VEGFA: variants seen among roughly 807,000 people sequenced by gnomAD.
VEGFA encodes vascular endothelial growth factor A.
VEGFA carries 20 observed loss-of-function variants against 49.7 expected under a neutral mutation model. The observed-to-expected ratio is 0.40, with a 90% CI of 0.28 to 0.58. The LOEUF is 0.58. Ranked by LOEUF, VEGFA falls within the 20% of genes least tolerant of loss-of-function variation. The probability of loss-of-function intolerance (pLI) is 0.40; values close to 1 mark genes in which losing one functional copy is unlikely to be tolerated. For synonymous variants in VEGFA, 219 were observed against 223.4 expected (o/e 0.98, Z 0.18); for missense variants, 505 against 553.5 (o/e 0.91, Z 0.88).
intron 6 of VEGFA, chr6:43,781,014 T>C: frequency 2.4e-6 from 3 of 1,247,740 alleles, no homozygotes; most frequent in Non-Finnish European, 3.4e-6. Context: ...AGGGTTGGGG[T>C]GAATGGGGGT....
chr6:43,780,760 C>A lies in VEGFA; in HGVS notation c.991C>A (p.Gln331Lys). Residue 331 changes from glutamine to lysine, a missense_variant, in exon 6 of 8, where the codon CAA (glutamine) becomes AAA (lysine). Around this residue, in one of 2 missense-constraint regions of VEGFA, gnomAD observed 165 missense variants for 231.7 expected, o/e 0.71. Transcript: ENST00000672860. ...ATCAGTTCGAGGAAAGGGAAAGGGG[C>A]AAAAACGAAAGCGCAAGAAATCCCG... 6.2e-7 allele frequency: 1 copy of A among 1,612,174 alleles called. No individual in the cohort carries two copies. The highest frequency in any genetic ancestry group is 8.5e-7 in the Non-Finnish European group (1 of 1,179,626).
intron 4 of VEGFA, 106 bp from the exon 5 acceptor site, chr6:43,778,783 T>A (rs1766324839): frequency 2.3e-6 from 3 of 1,302,258 alleles, no homozygotes; most frequent in South Asian, 1.2e-5. Flanking sequence ...TGCTCCATAA[T>A]AAATGCTGTT....
Position 43,773,903 on chromosome 6 carries a change from T to G in VEGFA, c.607-438T>G, listed in dbSNP as rs1332129222. On this transcript the variant is annotated intron_variant, in intron 1 of 7. Transcript: ENST00000672860. The surrounding 1 kb of genome is among the most constrained non-coding windows in gnomAD (Gnocchi z 5.6). ...TCATGTCAGCAGGAGAAGGTCACCA[T>G]GTTGTTTTTCTCGCCCCTAGTCCTT... 4.7e-6 allele frequency: 1 copy of G among 214,264 alleles called. No individual in the cohort carries two copies. Among genetic ancestry groups the G allele is most frequent in the Non-Finnish European group, 9.8e-6 (1 of 101,706 alleles). 13.3% of individuals were successfully genotyped at this position (214,264 alleles called of 1,614,324 possible). A position where few individuals can be genotyped will look rare whatever the true frequency, so the allele number is the denominator to read the frequency against.
chr6:43,771,397 G>A, intron 1 of VEGFA, 85 bp downstream of exon 1: 1 of 1,405,156 alleles, frequency 7.1e-7, no homozygotes, highest in Non-Finnish European at 9.5e-7. Flanking sequence ...CGCGCGTGGG[G>A]GCTCCGTGCC....
chr6:43,784,581 G>T lies in VEGFA; in HGVS notation c.*19G>T. ...GCGGTGAGCCGGGCAGGAGGAAGGA[G>T]CCTCCCTCAGGGTTTCGGGAACCAG... On this transcript the variant is annotated 3_prime_UTR_variant, in exon 8 of 8. Transcript: ENST00000672860. 1 of 1,614,226 alleles carries T rather than the reference G, an allele frequency of 6.2e-7. No homozygotes were observed. Among genetic ancestry groups the T allele is most frequent in the Non-Finnish European group, 8.5e-7 (1 of 1,180,042 alleles).
intron 6 of VEGFA, 39 bp from the exon 7 acceptor site, chr6:43,781,917 T>C: frequency 1.2e-6 from 2 of 1,612,160 alleles, no homozygotes; most frequent in Non-Finnish European, 1.7e-6. Context: ...TCTCTGCTGA[T>C]GCTCTAGCTT....
chr6:43,782,390 G>A (rs1388471192), intron 7 of VEGFA: 1 of 416,374 alleles, frequency 2.4e-6, no homozygotes, highest in Non-Finnish European at 4.6e-6. Context: ...TGTGTCCTGT[G>A]GTCCTTCTGC....
intron 3 of VEGFA, 173 bp from the exon 4 acceptor site, chr6:43,778,287 T>TG (rs1469736740): frequency 1.5e-6 from 1 of 687,098 alleles, no homozygotes; most frequent in Admixed American, 2.1e-5. Flanking sequence ...TTGGGGGAGT[T>TG]GGGGTGGGCC....
rs869136464 is a variant in VEGFA at position 43,786,439 on chromosome 6, T to TA, written c.*1889dup. 554 of 158,614 alleles carry TA rather than the reference T, an allele frequency of 3.5e-3. 1 individual carries two copies. Among genetic ancestry groups the TA allele is most frequent in the East Asian group, 0.014 (114 of 7,980 alleles). The allele number at this position is 158,614 out of a possible 1,614,324, so 9.8% of individuals were successfully genotyped here. A position where few individuals can be genotyped will look rare whatever the true frequency, so the allele number is the denominator to read the frequency against. On this transcript the variant is annotated 3_prime_UTR_variant, in exon 8 of 8. Coordinates refer to ENST00000672860, the MANE Select transcript of VEGFA (RefSeq NM_003376.6). Reference sequence around the variant, plus strand: ...ACGACAAAGAAATACAGATATATCTTAAAAAAAAAAAAGCATTTTGTATTA... The same window carrying TA: ...ACGACAAAGAAATACAGATATATCTTAAAAAAAAAAAAAGCATTTTGTATTA...
intron 3 of VEGFA, 128 bp from the exon 4 acceptor site, chr6:43,778,332 C>G (rs1277960320): frequency 8.7e-6 from 7 of 802,530 alleles, no homozygotes; most frequent in Admixed American, 2.0e-5. Flanking sequence ...TTGGTCCTCC[C>G]TGCCTCCACC....
chr6:43,777,570 A>C lies in VEGFA; in HGVS notation c.760A>C (p.Lys254Gln), dbSNP rs1359856307. ...CCCTGATGAGATCGAGTACATCTTC[A>C]AGCCATCCTGTGTGCCCCTGATGCG... Residue 254 changes from lysine (K) to glutamine (Q), a missense_variant, in exon 3 of 8, where the codon AAG becomes CAG. By Grantham distance (53) the Lys-to-Gln change is moderately conservative (BLOSUM62 1). Coordinates refer to ENST00000672860, the MANE Select transcript of VEGFA (RefSeq NM_003376.6). The surrounding 1 kb of genome is among the most constrained non-coding windows in gnomAD (Gnocchi z 4.3). 7 of 1,614,008 alleles carry C rather than the reference A, an allele frequency of 4.3e-6. No individual in the cohort carries two copies. The highest frequency in any genetic ancestry group is 5.9e-6 in the Non-Finnish European group (7 of 1,180,014).
chr6:43,771,947 G>T, intron 1 of VEGFA: 1 of 927,850 alleles, frequency 1.1e-6, no homozygotes. Context: ...GCCCTCCCCC[G>T]CCCGGCCGGG....
chr6:43,781,637 A>C, intron 6 of VEGFA: 1 of 379,716 alleles, frequency 2.6e-6, no homozygotes, highest in Non-Finnish European at 5.1e-6. Flanking sequence ...GATGGGGGCA[A>C]CAGCAGTTGG....
chr6:43,780,056 A>C, intron 5 of VEGFA: 2 of 220,376 alleles, frequency 9.1e-6, no homozygotes, highest in African/African-American at 2.3e-5. Flanking sequence ...GACCTCCTTA[A>C]CTCCCACCCC....
At chr6:43,781,837 G>A (rs375770086) in intron 6 of VEGFA, 119 bp from the exon 7 acceptor site, 1 of 1,374,898 alleles carries the variant, frequency 7.3e-7, no homozygotes. Flanking sequence ...GGGCCTGGGG[G>A]CTGACCGGCT....
At chr6:43,779,758 G>A (rs1309629954) in intron 5 of VEGFA, 2 of 459,338 alleles carry the variant, frequency 4.4e-6, no homozygotes, top group Non-Finnish European at 4.4e-6. Context: ...TTCTCCTAAG[G>A]GGGACAGACT....
At chr6:43,776,232 G>A (rs1308093004) in intron 2 of VEGFA, 1 of 152,252 alleles carries the variant, frequency 6.6e-6, no homozygotes, top group African/African-American at 2.4e-5. Flanking sequence ...AGAGAGGGGA[G>A]GGACTGGCCC....
At chr6:43,784,368 G>T in intron 7 of VEGFA, 173 bp from the exon 8 acceptor site, 2 of 725,084 alleles carry the variant, frequency 2.8e-6, no homozygotes, top group Non-Finnish European at 2.5e-6. Flanking sequence ...GGCTGGGGCT[G>T]TTCTCATACT....
At position 43,785,252 on chromosome 6, in the gene VEGFA, A is replaced by T. The variant is rs1769257027; in HGVS notation, c.*690A>T. Reference sequence around the variant, plus strand: ...ACCGACAAACCCAGCCCTGGCGCTGAGCCTCTCTACCCCAGGTCAGACGGA... The same window carrying T: ...ACCGACAAACCCAGCCCTGGCGCTGTGCCTCTCTACCCCAGGTCAGACGGA... On this transcript the variant is annotated 3_prime_UTR_variant, in exon 8 of 8. Coordinates refer to ENST00000672860, the MANE Select transcript of VEGFA (RefSeq NM_003376.6). 4.9e-6 allele frequency: 1 copy of T among 203,186 alleles called. No individual in the cohort carries two copies. Among genetic ancestry groups the T allele is most frequent in the Non-Finnish European group, 1.0e-5 (1 of 98,664 alleles). The allele number at this position is 203,186 out of a possible 1,614,324, so 12.6% of individuals were successfully genotyped here. A position where few individuals can be genotyped will look rare whatever the true frequency, so the allele number is the denominator to read the frequency against.
Sources: allele counts gnomAD v4.1 joint callset, GRCh38; gene constraint gnomAD v4.1.1; regional missense constraint gnomAD v4.1.1; non-coding constraint Gnocchi (gnomAD v3.1); transcripts MANE v1.5; gene names NCBI Gene and HGNC (gene_info 2026-07-23, HGNC 2026-07-21).